FHOD3: variants seen among roughly 807,000 people sequenced by gnomAD.
FHOD3 encodes FH1/FH2 domain-containing protein 3.
In FHOD3, 90 loss-of-function variants were observed where a neutral mutation model predicts 173.0. That is an observed-to-expected ratio of 0.52 (90% confidence interval 0.44 to 0.62). The LOEUF is 0.62. Among genes scored for constraint, FHOD3 ranks in the 20% least tolerant of loss-of-function variants. FHOD3 has a pLI of 0.00. For missense variants in FHOD3, 1,945 were observed against 2,034.7 expected (o/e 0.96, Z 0.85); for synonymous variants, 828 against 823.0 (o/e 1.01, Z -0.10).
At chr18:36,710,588 A>G (rs2040118307) in intron 18 of FHOD3, 1 of 152,234 alleles carries the variant, frequency 6.6e-6, no homozygotes, top group Non-Finnish European at 1.5e-5. Context: ...ACTAGATTTT[A>G]TGCTTTATAT....
chr18:36,437,149 C>T (rs2050849362), intron 3 of FHOD3, among the ~76,000 whole-genome samples: 2 of 152,074 alleles, frequency 1.3e-5, no homozygotes, highest in Non-Finnish European at 2.9e-5. Context: ...GACAGGGTCT[C>T]ACTCTGTCAC....
At position 36,691,896 on chromosome 18, in the gene FHOD3, T is replaced by A. The variant is rs114006354; in HGVS notation, c.2022-1313T>A. On this transcript the variant is annotated intron_variant, in intron 16 of 28. Coordinates refer to ENST00000590592, the MANE Select transcript of FHOD3 (RefSeq NM_001281740.3). ...CTTCCTGTTCATGAAAATCCTATTA[T>A]TTGCTTTTTGAAAACAGACATACAC... Among the ~76,000 whole-genome samples, 638 of 152,346 alleles carry A rather than the reference T, an allele frequency of 4.2e-3. 7 individuals carry two copies. The highest frequency in any genetic ancestry group is 0.015 in the African/African-American group (603 of 41,574).
At chr18:36,313,593 G>C (rs1801811518) in intron 1 of FHOD3, among the ~76,000 whole-genome samples, 1 of 152,202 alleles carries the variant, frequency 6.6e-6, no homozygotes, top group Non-Finnish European at 1.5e-5. Flanking sequence ...GTTGTTGGGT[G>C]CTTCAGGAGT....
intron 25 of FHOD3, among the ~76,000 whole-genome samples, chr18:36,755,728 CAT>C (rs1315794483): frequency 6.6e-6 from 1 of 152,162 alleles, no homozygotes; most frequent in African/African-American, 2.4e-5. Flanking sequence ...TTTTAATCAT[CAT>C]AACGGTGCTG....
At chr18:36,699,781 C>G (rs1409261074) in intron 17 of FHOD3, among the ~76,000 whole-genome samples, 1 of 152,194 alleles carries the variant, frequency 6.6e-6, no homozygotes, top group African/African-American at 2.4e-5. Flanking sequence ...AGGAGAACCT[C>G]TGGGTTCAGT....
chr18:36,342,980 A>G (rs182395023), intron 1 of FHOD3, among the ~76,000 whole-genome samples: 2 of 152,336 alleles, frequency 1.3e-5, no homozygotes, highest in East Asian at 3.9e-4. Context: ...ATCATTTCAC[A>G]TTTATTAGGA....
intron 14 of FHOD3, among the ~76,000 whole-genome samples, chr18:36,662,081 A>G (rs2036848854): frequency 6.6e-6 from 1 of 152,278 alleles, no homozygotes; most frequent in African/African-American, 2.4e-5. Flanking sequence ...TTTGTGTTCA[A>G]GTATTCAAAT....
At chr18:36,673,649 G>A (rs1396783272) in intron 14 of FHOD3, among the ~76,000 whole-genome samples, 4 of 152,204 alleles carry the variant, frequency 2.6e-5, no homozygotes, top group Non-Finnish European at 5.9e-5. Context: ...CTGGACAGGG[G>A]TTCCTCGATC....
chr18:36,748,837 T>C (rs1235309625), intron 24 of FHOD3, among the ~76,000 whole-genome samples: 2 of 152,186 alleles, frequency 1.3e-5, no homozygotes, highest in East Asian at 1.9e-4. Context: ...AGCAGGACTC[T>C]CTTGTTGAAA....
intron 1 of FHOD3, among the ~76,000 whole-genome samples, chr18:36,314,218 C>G (rs1012283309): frequency 2.0e-5 from 3 of 152,202 alleles, no homozygotes; most frequent in African/African-American, 7.2e-5. Flanking sequence ...CGTCCCCTGC[C>G]TCATGGCCTC....
intron 14 of FHOD3, among the ~76,000 whole-genome samples, chr18:36,671,470 T>G (rs2037531343): frequency 6.6e-6 from 1 of 152,242 alleles, no homozygotes; most frequent in African/African-American, 2.4e-5. Context: ...CTGGTTCCTG[T>G]TACTCCAAAT....
chr18:36,478,808 C>G (rs1222720387), intron 3 of FHOD3, among the ~76,000 whole-genome samples: 1 of 152,192 alleles, frequency 6.6e-6, no homozygotes, highest in African/African-American at 2.4e-5. Flanking sequence ...CCACACTTAA[C>G]TCTTGCTACC....
intron 1 of FHOD3, among the ~76,000 whole-genome samples, chr18:36,347,259 A>C (rs538705678): frequency 6.6e-6 from 1 of 152,394 alleles, no homozygotes; most frequent in East Asian, 1.9e-4. Context: ...TTTTCAAGGG[A>C]AAGTTTAATG....
intron 3 of FHOD3, among the ~76,000 whole-genome samples, chr18:36,473,791 G>A (rs2053413686): frequency 6.6e-6 from 1 of 152,154 alleles, no homozygotes; most frequent in Non-Finnish European, 1.5e-5. Context: ...TAAGCCTTCA[G>A]GTCCCCTGTG....
chr18:36,583,853 TCTCA>T (rs914893727), intron 6 of FHOD3, among the ~76,000 whole-genome samples: 17 of 151,828 alleles, frequency 1.1e-4, no homozygotes, highest in African/African-American at 3.6e-4. Flanking sequence ...TGAGACGGAG[TCTCA>T]CTCTGTCACC....
At chr18:36,726,748 C>A (rs1039230059) in intron 19 of FHOD3, among the ~76,000 whole-genome samples, 2 of 152,210 alleles carry the variant, frequency 1.3e-5, no homozygotes, top group South Asian at 4.1e-4. Context: ...AAACTCTGCT[C>A]ACTGCAACCT....
At chr18:36,416,757 A>T (rs1399052847) in intron 3 of FHOD3, among the ~76,000 whole-genome samples, 1 of 152,046 alleles carries the variant, frequency 6.6e-6, no homozygotes, top group Middle Eastern at 3.2e-3. Flanking sequence ...TCTGAAATGC[A>T]GATCTGATTG....
intron 3 of FHOD3, among the ~76,000 whole-genome samples, chr18:36,446,939 A>G (rs932729502): frequency 6.6e-6 from 1 of 152,038 alleles, no homozygotes; most frequent in Non-Finnish European, 1.5e-5. Flanking sequence ...GGGGAGGGGA[A>G]AGGCCACCCT....
At chr18:36,487,372 A>G (rs546279465) in intron 3 of FHOD3, among the ~76,000 whole-genome samples, 1 of 152,318 alleles carries the variant, frequency 6.6e-6, no homozygotes, top group South Asian at 2.1e-4. Flanking sequence ...GCCAAGAGAT[A>G]TTAAAGTTCT....
Sources: gnomAD v4.1 joint callset for allele counts (sites outside exome capture counted in the v4.1 genomes callset) on GRCh38, gnomAD v4.1.1 for gene constraint, MANE v1.5 for transcripts, NCBI Gene and HGNC (gene_info 2026-07-23, HGNC 2026-07-21) for gene names.